The following CD33 variants were observed in gnomAD, a reference collection of about 807,000 sequenced individuals.
CD33 encodes myeloid cell surface antigen CD33.
CD33 carries 25 observed loss-of-function variants against 31.4 expected under a neutral mutation model. The observed-to-expected ratio is 0.80, with a 90% CI of 0.58 to 1.11. The LOEUF is 1.11. CD33 is among the 50% of genes most tolerant of loss of function. CD33 has a pLI of 0.00. For synonymous variants in CD33, 176 were observed against 180.6 expected, an observed-to-expected ratio of 0.97 and a Z score of 0.20; for missense variants, 407 against 448.1, an observed-to-expected ratio of 0.91 and a Z score of 0.83.
At position 51,235,213 on chromosome 19, in the gene CD33, A is replaced by G. The variant is rs147972842; in HGVS notation, c.802A>G (p.Thr268Ala). ...TGGGGCCATTGGAGGAGCTGGTGTT[A>G]CAGCCCTGCTCGCTCTTTGTCTCTG... ...VHGAIGGAGV[T>A]ALLALCLCLI... The change falls in exon 5 of 7, where the codon ACA becomes GCA. Residue 268 changes from threonine (T) to alanine (A), a missense_variant. Transcript: ENST00000262262. The G allele has an allele frequency of 1.5e-4, 239 of 1,614,154 alleles. No individual in the cohort carries two copies. The East Asian group carries it at 5.0e-3, about 34-fold the overall frequency.
chr19:51,230,178 T>C (rs1484132065), intron 4 of CD33, among the ~76,000 whole-genome samples: 1 of 142,562 alleles, frequency 7.0e-6, no homozygotes, highest in Non-Finnish European at 1.5e-5. Flanking sequence ...ATAGTTTGCA[T>C]GTTTCCCTTG....
At chr19:51,235,107 A>G (rs1981682659) in intron 4 of CD33, 50 bp from the exon 5 acceptor site, 2 of 1,472,588 alleles carry the variant, frequency 1.4e-6, no homozygotes, top group East Asian at 4.5e-5. Flanking sequence ...GAGGATACAC[A>G]TACCTGTTTA....
intron 6 of CD33, chr19:51,235,959 C>A (rs1015665908): frequency 1.5e-6 from 1 of 686,584 alleles, no homozygotes; most frequent in Non-Finnish European, 2.7e-6. Context: ...GAGATTGAGA[C>A]TATCCTGGCT....
At chr19:51,225,718 G>A in intron 2 of CD33, 85 bp from the exon 3 acceptor site, 2 of 1,542,298 alleles carry the variant, frequency 1.3e-6, no homozygotes, top group East Asian at 2.3e-5. Flanking sequence ...GCTTAGCGGG[G>A]GAGCTTGACC....
chr19:51,220,951 A>G (rs1163254142), upstream of CD33, among the ~76,000 whole-genome samples: 5 of 152,322 alleles, frequency 3.3e-5, no homozygotes, highest in South Asian at 2.1e-4. Flanking sequence ...TATCTGATGA[A>G]TGACTTGTAT....
chr19:51,233,976 G>A (rs1276669662), intron 4 of CD33, among the ~76,000 whole-genome samples: 2 of 152,124 alleles, frequency 1.3e-5, no homozygotes, highest in African/African-American at 4.8e-5. Context: ...TTCTTGTCTG[G>A]TGACACGGGG....
the CD33 span, among the ~76,000 whole-genome samples, chr19:51,214,780 C>G: frequency 6.6e-6 from 1 of 152,140 alleles, no homozygotes; most frequent in African/African-American, 2.4e-5. Context: ...ATTTTGTGAG[C>G]TATCATTTCA....
chr19:51,211,784 C>G, the CD33 span: 2 of 817,162 alleles, frequency 2.4e-6, no homozygotes, highest in Non-Finnish European at 4.1e-6. Context: ...TCCCCGTTTC[C>G]TCACCAGCCC....
At position 51,225,959 on chromosome 19, in the gene CD33, C is replaced by T. The variant is rs1162428102; in HGVS notation, c.575C>T (p.Thr192Ile). ...CCCACCTCCCTGGGCCCCAGGACTA[C>T]TCACTCCTCGGTGCTCATAATCACC... ...AAPTSLGPRT[T>I]HSSVLIITPR... The change falls in exon 3 of 7, where the codon ACT becomes ATT. Residue 192 changes from threonine (T) to isoleucine (I), a missense_variant. Transcript: ENST00000262262. The T allele has an allele frequency of 4.3e-6, 7 of 1,614,002 alleles. No individual in the cohort carries two copies. The highest frequency in any genetic ancestry group is 5.9e-6 in the Non-Finnish European group (7 of 1,180,026).
chr19:51,233,026 TG>T (rs1173870231), intron 4 of CD33, among the ~76,000 whole-genome samples: 3 of 152,188 alleles, frequency 2.0e-5, no homozygotes, highest in Non-Finnish European at 4.4e-5. Flanking sequence ...TGGTAGCCCA[TG>T]GGGCTGTTTC....
At chr19:51,220,804 C>G (rs1980653541), upstream of CD33, among the ~76,000 whole-genome samples, 1 of 152,160 alleles carries the variant, frequency 6.6e-6, no homozygotes, top group Non-Finnish European at 1.5e-5. Flanking sequence ...ATTACTTTCT[C>G]TGTTCTTTCC....
the CD33 span, among the ~76,000 whole-genome samples, chr19:51,214,705 G>A: frequency 6.6e-6 from 1 of 152,046 alleles, no homozygotes; most frequent in South Asian, 2.1e-4. Flanking sequence ...TGAGTTGTAA[G>A]TGCTCTTTAT....
intron 6 of CD33, chr19:51,236,116 C>T: frequency 2.3e-6 from 1 of 439,506 alleles, no homozygotes; most frequent in African/African-American, 2.0e-5. Flanking sequence ...CGACATAGCA[C>T]CACTGCACTC....
intron 4 of CD33, 139 bp downstream of exon 4, chr19:51,226,495 A>G: frequency 2.9e-6 from 2 of 688,686 alleles, no homozygotes; most frequent in Admixed American, 2.3e-5. Context: ...CACCTTGGAA[A>G]AGGATATTTG....
At chr19:51,218,216 C>T in the CD33 span, among the ~76,000 whole-genome samples, 40 of 152,266 alleles carry the variant, frequency 2.6e-4, no homozygotes, top group African/African-American at 9.4e-4. Flanking sequence ...TAAAAATAGC[C>T]ATTCTATCTG....
intron 6 of CD33, chr19:51,237,265 C>T (rs1981864949): frequency 6.6e-6 from 1 of 152,212 alleles, no homozygotes; most frequent in Admixed American, 6.5e-5. Context: ...TATATAATCC[C>T]ATTTGCCAAT....
At chr19:51,228,059 T>C (rs982266980) in intron 4 of CD33, among the ~76,000 whole-genome samples, 6 of 152,066 alleles carry the variant, frequency 3.9e-5, no homozygotes, top group Non-Finnish European at 8.8e-5. Context: ...TTCTCTATTA[T>C]GTATTATTGG....
In CD33 at chr19:51,229,263, T is replaced by A. The variant is rs534051357; in HGVS notation, c.745+2907T>A. Among the ~76,000 whole-genome samples, 4 of 152,344 alleles carry A rather than the reference T, an allele frequency of 2.6e-5. No individual in the cohort carries two copies. In the East Asian group the frequency reaches 7.7e-4, roughly 29 times the overall value. The stretch of plus-strand genomic sequence containing the variant: ...AATCCCACTTTATCATGGTATGTTA[T>A]CTTTTTGATGTATTGTTGGATTTGA... On this transcript the variant is annotated intron_variant, in intron 4 of 6. Transcript: ENST00000262262.
At chr19:51,223,100 A>T (rs897315636), upstream of CD33, among the ~76,000 whole-genome samples, 3 of 152,042 alleles carry the variant, frequency 2.0e-5, no homozygotes, top group Non-Finnish European at 4.4e-5. Context: ...TGAGCCTGTG[A>T]TCCCAGCTAC....
Sources: allele counts gnomAD v4.1 joint callset (sites outside exome capture counted in the v4.1 genomes callset), GRCh38; gene constraint gnomAD v4.1.1; transcripts MANE v1.5; gene names NCBI Gene and HGNC (gene_info 2026-07-23, HGNC 2026-07-21).